Variants in MYL4 observed in about 807,000 individuals in gnomAD.
MYL4 encodes atrial myosin light chain 1.
A neutral mutation model predicts 21.6 loss-of-function variants in MYL4; 16 were observed. The observed-to-expected ratio is 0.74, with a 90% CI of 0.50 to 1.12. The LOEUF is 1.12. MYL4 is among the 50% of genes most tolerant of loss of function. The pLI is 0.00. For missense variants in MYL4, 249 were observed against 252.9 expected (o/e 0.98, Z 0.11); for synonymous variants, 82 against 95.7 (o/e 0.86, Z 0.83).
intron 1 of MYL4, among the ~76,000 whole-genome samples, chr17:47,203,884 C>T (rs574005941): frequency 6.6e-6 from 1 of 152,186 alleles, no homozygotes; most frequent in Admixed American, 6.5e-5. Context: ...CATAAAATAA[C>T]TCTCCATGTC....
At chr17:47,227,024 T>C (rs1460132384), downstream of MYL4, among the ~76,000 whole-genome samples, 1 of 152,092 alleles carries the variant, frequency 6.6e-6, no homozygotes, top group East Asian at 1.9e-4. Flanking sequence ...CCAGCTAATT[T>C]TTTGTATTTT....
intron 3 of MYL4, 134 bp from the exon 4 acceptor site, chr17:47,221,548 G>A (rs1169668209): frequency 2.1e-6 from 2 of 967,218 alleles, no homozygotes; most frequent in East Asian, 2.5e-5. Context: ...GCACTAATGG[G>A]TGTACCACCC....
At chr17:47,222,768 T>C (rs2064866547) in intron 5 of MYL4, among the ~76,000 whole-genome samples, 1 of 152,140 alleles carries the variant, frequency 6.6e-6, no homozygotes, top group Admixed American at 6.5e-5. Context: ...TGGGGATTCA[T>C]AGAGATAATG....
At chr17:47,197,815 C>T (rs540225399), upstream of MYL4, among the ~76,000 whole-genome samples, 3 of 152,278 alleles carry the variant, frequency 2.0e-5, no homozygotes, top group Admixed American at 6.5e-5. Flanking sequence ...GTATTAAATG[C>T]ATTTTTGACT....
At chr17:47,206,639 C>A (rs1770270155), upstream of MYL4, among the ~76,000 whole-genome samples, 1 of 152,114 alleles carries the variant, frequency 6.6e-6, no homozygotes, top group South Asian at 2.1e-4. Flanking sequence ...TCTATGTACC[C>A]TGCAGCCAGA....
chr17:47,215,068 A>G (rs1515751), intron 2 of MYL4, among the ~76,000 whole-genome samples: 102,631 of 152,022 alleles, frequency 0.68, 35,196 homozygotes, highest in East Asian at 0.86. Context: ...AATGGTTATT[A>G]CCAGGTTGCT....
rs148639151 is a variant in MYL4, at chr17:47,211,952, T to A, written c.136-1847T>A. On this transcript the variant is annotated intron_variant, in intron 1 of 6. Transcript: ENST00000393450. ...TCAAAATGATGACTTGGGCTGGGTG[T>A]GGTGGCTCACGCCTGTAATCTCAGC... 3.1e-3 allele frequency among the ~76,000 whole-genome samples: 475 copies of A among 152,164 alleles called. 4 individuals carry two copies. The highest frequency in any genetic ancestry group is 0.011 in the African/African-American group (463 of 41,520).
At chr17:47,206,792 A>T (rs1955070892), upstream of MYL4, among the ~76,000 whole-genome samples, 1 of 152,192 alleles carries the variant, frequency 6.6e-6, no homozygotes, top group South Asian at 2.1e-4. Flanking sequence ...CAGAGTCAGG[A>T]CTAGTGCCTG....
Position 47,210,786 on chromosome 17 carries a change from G to A in MYL4, c.135+1229G>A, listed in dbSNP as rs535661652. Reference sequence around the variant, plus strand: ...TTGTCCCTTTTCTGAGCTTGGTTATGGCTCACTCTGGGGAAACTGAGGCTA... The same window carrying A: ...TTGTCCCTTTTCTGAGCTTGGTTATAGCTCACTCTGGGGAAACTGAGGCTA... On this transcript the variant is annotated intron_variant, in intron 1 of 6. Transcript: ENST00000393450. Among the ~76,000 whole-genome samples, 15 of 152,212 alleles carry A rather than the reference G, an allele frequency of 9.9e-5. No homozygotes were observed. In the South Asian group the frequency reaches 1.2e-3, roughly 13 times the overall value.
chr17:47,222,536 C>A, intron 5 of MYL4, 79 bp downstream of exon 5: 2 of 1,385,544 alleles, frequency 1.4e-6, no homozygotes, highest in Non-Finnish European at 1.0e-6. Flanking sequence ...GGCCCAGGAG[C>A]TGGAGGGTAT....
chr17:47,213,722 G>A, intron 1 of MYL4, 77 bp from the exon 2 acceptor site: 1 of 1,450,114 alleles, frequency 6.9e-7, no homozygotes, highest in Non-Finnish European at 9.5e-7. Context: ...AGCCACTTCT[G>A]CTTCTACTTC....
upstream of MYL4, among the ~76,000 whole-genome samples, chr17:47,197,265 A>AT (rs1214437900): frequency 6.6e-6 from 1 of 151,766 alleles, no homozygotes; most frequent in East Asian, 1.9e-4. Context: ...CGCCTGGCTA[A>AT]TTTTTTGTAT....
chr17:47,207,734 T>G (rs1215231686), upstream of MYL4, among the ~76,000 whole-genome samples: 1 of 152,240 alleles, frequency 6.6e-6, no homozygotes, highest in African/African-American at 2.4e-5. Flanking sequence ...TTTTTTGTTG[T>G]TATTTTTCTG....
At chr17:47,217,856 A>C (rs920435644) in intron 2 of MYL4, among the ~76,000 whole-genome samples, 1 of 152,122 alleles carries the variant, frequency 6.6e-6, no homozygotes, top group African/African-American at 2.4e-5. Flanking sequence ...CAACATGGAG[A>C]AACCCCGTCT....
the MYL4 span, among the ~76,000 whole-genome samples, chr17:47,194,961 G>A: frequency 4.6e-5 from 7 of 151,110 alleles, no homozygotes; most frequent in South Asian, 2.1e-4. Context: ...GGCTCTTCTC[G>A]AACTCCTGAG....
rs200795216 is a variant in MYL4, at chr17:47,221,636, C to A, written c.314-46C>A. On this transcript the variant is annotated intron_variant, in intron 3 of 6. Coordinates refer to ENST00000393450, the MANE Select transcript of MYL4 (RefSeq NM_002476.2). The stretch of plus-strand genomic sequence containing the variant: ...CCTCTTGACCCTCTGCTCCCTTGAG[C>A]ACCTGCTCACATTGATTTCTCTTTC... The A allele has an allele frequency of 2.3e-5, 36 of 1,579,146 alleles. No individual in the cohort carries two copies. In the East Asian group the frequency reaches 7.6e-4, roughly 33 times the overall value.
chr17:47,223,331 A>C (rs1283085164), intron 6 of MYL4, 178 bp from the exon 7 acceptor site: 1 of 437,072 alleles, frequency 2.3e-6, no homozygotes, highest in East Asian at 3.7e-5. Flanking sequence ...GGCCTCCTGT[A>C]CAGGCTCCTG....
chr17:47,209,369 G>T lies in MYL4; in HGVS notation c.-54G>T. On this transcript the variant is annotated 5_prime_UTR_variant, in exon 1 of 7. Transcript: ENST00000393450. ...TCCTATCTCATCTCCCAGACGCCAC[G>T]TCTCTCGGTTTCTTCTTAGATCACT... 7 of 1,612,854 alleles carry T rather than the reference G, an allele frequency of 4.3e-6. No homozygotes were observed. Among genetic ancestry groups the T allele is most frequent in the Non-Finnish European group, 5.1e-6 (6 of 1,179,428 alleles).
chr17:47,199,203 T>C (rs2064700431), upstream of MYL4, among the ~76,000 whole-genome samples: 1 of 148,618 alleles, frequency 6.7e-6, no homozygotes, highest in Non-Finnish European at 1.5e-5. Flanking sequence ...ATTGTGCCAC[T>C]GCACTCCAGC....
Sources: allele counts gnomAD v4.1 joint callset (sites outside exome capture counted in the v4.1 genomes callset), GRCh38; gene constraint gnomAD v4.1.1; transcripts MANE v1.5; gene names NCBI Gene and HGNC (gene_info 2026-07-23, HGNC 2026-07-21).